Variants in HADHA observed in about 807,000 individuals in gnomAD.
The protein encoded by HADHA is hydroxyacyl-CoA dehydrogenase trifunctional multienzyme complex subunit alpha, also known as trifunctional enzyme subunit alpha, mitochondrial.
In HADHA, 59 loss-of-function variants were observed where a neutral mutation model predicts 91.3. The observed-to-expected ratio is 0.65, with a 90% confidence interval of 0.52 to 0.80. The LOEUF (loss-of-function observed/expected upper bound fraction) is 0.80, where lower values mean the gene tolerates loss of function less well. HADHA is among the 30% of genes least tolerant of loss of function. The probability of loss-of-function intolerance (pLI) is 0.00; values close to 1 mark genes in which losing one functional copy is unlikely to be tolerated. For missense variants in HADHA, 800 were observed against 927.6 expected (o/e 0.86, Z 1.79); for synonymous variants, 320 against 338.9 (o/e 0.94, Z 0.61).
chr2:26,234,634 C>T (rs947935774), intron 4 of HADHA, among the ~76,000 whole-genome samples: 1 of 151,740 alleles, frequency 6.6e-6, no homozygotes, highest in Admixed American at 6.6e-5. Context: ...GGCATAGTGG[C>T]GGGCGCCTGT....
In HADHA at chr2:26,209,766, A is replaced by G. The variant is rs767895844; in HGVS notation, c.1085+14T>C. 1.6e-6 allele frequency: 2 copies of G among 1,256,796 alleles called. No homozygotes were observed. Among genetic ancestry groups the G allele is most frequent in the South Asian group, 2.4e-5 (2 of 83,990 alleles). 77.9% of individuals were successfully genotyped at this position (1,256,796 alleles called of 1,614,324 possible). Reference sequence around the variant, plus strand: ...TAAAATTCACAAGGGCTTCCTACGTAGAGTTTAACTTACTTAACATCCTTC... The same window carrying G: ...TAAAATTCACAAGGGCTTCCTACGTGGAGTTTAACTTACTTAACATCCTTC... On this transcript the variant is annotated intron_variant, in intron 11 of 19. Transcript: ENST00000380649.
Position 26,214,544 on chromosome 2 carries a change from T to C in HADHA, c.817A>G (p.Met273Val), listed in dbSNP as rs756775736. Residue 273 changes from methionine to valine, a missense_variant, in exon 9 of 20, where the codon ATG becomes GTG. Met to Val is a conservative substitution (Grantham distance 21, BLOSUM62 1). Coordinates refer to ENST00000380649, the MANE Select transcript of HADHA (RefSeq NM_000182.5). This position sits in a 1 kb window ranked among gnomAD's most constrained non-coding sequence, Gnocchi z 4.1. ...GLVEKLTAYA[M>V]TIPFVRQQVY... ...TGTTGCCTGACAAATGGAATAGTCA[T>C]GGCATACGCTGTCAATTCTGTAAAA... 1.9e-6 allele frequency: 3 copies of C among 1,576,994 alleles called. No homozygotes were observed. Among genetic ancestry groups the C allele is most frequent in the African/African-American group, 2.7e-5 (2 of 74,222 alleles).
At position 26,191,513 on chromosome 2, in the gene HADHA, A is replaced by G; in HGVS notation, c.2116T>C (p.Phe706Leu). The G allele has an allele frequency of 6.2e-7, 1 of 1,614,216 alleles. No homozygotes were observed. Among genetic ancestry groups the G allele is most frequent in the Non-Finnish European group, 8.5e-7 (1 of 1,180,038 alleles). The change falls in exon 19 of 20, where the codon TTT becomes CTT. Residue 706 changes from phenylalanine (F) to leucine (L), a missense_variant. Physicochemically the swap from Phe to Leu is conservative, Grantham distance 22. Coordinates refer to ENST00000380649, the MANE Select transcript of HADHA (RefSeq NM_000182.5). ...AGACAAGGCGGGAAGCCAAGCCCAA[A>G]GACGGCTCCGATGTCTCCCTCTGCA... Reference protein sequence around the residue: ...TPAEGDIGAVFGLGFPPCLGG... With the variant: ...TPAEGDIGAVLGLGFPPCLGG...
At chr2:26,193,825 C>G (rs1025776132) in intron 16 of HADHA, 53 bp from the exon 17 acceptor site, 17 of 1,410,040 alleles carry the variant, frequency 1.2e-5, no homozygotes, top group Non-Finnish European at 1.6e-5. Context: ...CAAATCCCCC[C>G]AAAGGGCTCC....
At chr2:26,202,378 C>T (rs1669868269) in intron 12 of HADHA, among the ~76,000 whole-genome samples, 1 of 152,046 alleles carries the variant, frequency 6.6e-6, no homozygotes, top group Admixed American at 6.6e-5. Flanking sequence ...GAAGCTAAAC[C>T]CCATTCACTA....
At chr2:26,197,881 CCCA>C in intron 13 of HADHA, 104 bp from the exon 14 acceptor site, 1 of 750,290 alleles carries the variant, frequency 1.3e-6, no homozygotes, top group Non-Finnish European at 2.5e-6. Flanking sequence ...CACTCTGTCC[CCCA>C]CAACTGCTCA....
intron 13 of HADHA, among the ~76,000 whole-genome samples, chr2:26,198,175 G>A (rs900833210): frequency 6.6e-6 from 1 of 151,908 alleles, no homozygotes; most frequent in South Asian, 2.1e-4. Context: ...ATCACTCCCC[G>A]CTTCACCTTT....
chr2:26,237,479 T>C (rs779616675), intron 3 of HADHA, among the ~76,000 whole-genome samples: 2 of 151,962 alleles, frequency 1.3e-5, no homozygotes, highest in Admixed American at 6.6e-5. Context: ...ATACAAAAAT[T>C]AGCCGGGCCT....
intron 5 of HADHA, among the ~76,000 whole-genome samples, chr2:26,233,306 A>G (rs970769885): frequency 6.6e-5 from 10 of 152,186 alleles, no homozygotes; most frequent in Non-Finnish European, 1.3e-4. Context: ...GCATTTCTGT[A>G]TCTAAACACA....
chr2:26,199,718 AATT>A (rs1414211137), intron 13 of HADHA, among the ~76,000 whole-genome samples: 1 of 151,994 alleles, frequency 6.6e-6, no homozygotes. Context: ...TTATTTTTTA[AATT>A]ATTTATCTTT....
chr2:26,238,494 A>G (rs1265635617), intron 3 of HADHA, among the ~76,000 whole-genome samples: 1 of 152,244 alleles, frequency 6.6e-6, no homozygotes, highest in Non-Finnish European at 1.5e-5. Flanking sequence ...TGAGTCATTC[A>G]GATCCCTCAG....
At chr2:26,236,011 T>C (rs952345239) in intron 4 of HADHA, among the ~76,000 whole-genome samples, 1 of 152,234 alleles carries the variant, frequency 6.6e-6, no homozygotes, top group Middle Eastern at 3.2e-3. Flanking sequence ...CCAACTACGA[T>C]TGTGTCCATA....
At chr2:26,197,541 C>G in intron 14 of HADHA, 150 bp downstream of exon 14, 3 of 685,040 alleles carry the variant, frequency 4.4e-6, no homozygotes, top group Non-Finnish European at 8.1e-6. Flanking sequence ...TCACACTAGT[C>G]ATGGTATTAG....
chr2:26,203,006 G>C (rs1377000892), intron 12 of HADHA, among the ~76,000 whole-genome samples: 1 of 152,214 alleles, frequency 6.6e-6, no homozygotes, highest in Non-Finnish European at 1.5e-5. Context: ...AGAGACTGGG[G>C]GAGGAAACTA....
At chr2:26,240,323 G>T (rs1670860728) in intron 1 of HADHA, among the ~76,000 whole-genome samples, 1 of 152,202 alleles carries the variant, frequency 6.6e-6, no homozygotes, top group East Asian at 1.9e-4. Context: ...GAACAAAAAA[G>T]ACAAAAATCC....
intron 1 of HADHA, among the ~76,000 whole-genome samples, chr2:26,243,005 C>A (rs1574630117): frequency 1.3e-5 from 2 of 152,350 alleles, no homozygotes; most frequent in East Asian, 3.9e-4. Flanking sequence ...CCCGCCTGGG[C>A]CTCCCAAAGT....
rs768855989 is a variant in HADHA at position 26,191,301 on chromosome 2, G to T, written c.2241C>A (p.Cys747Ter). 2 of 1,613,306 alleles carry T rather than the reference G, an allele frequency of 1.2e-6. No individual in the cohort carries two copies. Among genetic ancestry groups the T allele is most frequent in the Admixed American group, 3.3e-5 (2 of 60,026 alleles). ...EAAYGKQFTP[C>*]QLLADHANSP... ...TGTTAGCATGGTCAGCTAGCAGCTG[G>T]CATGGGGTGAACTGTTTTCCATAGG... is the stretch of plus-strand genomic sequence containing the variant. Residue 747 changes from cysteine (C) to a stop codon, truncating the protein, a stop_gained, in exon 20 of 20, where the codon TGC becomes TGA. Transcript: ENST00000380649. LOFTEE classifies it high-confidence loss of function.
At position 26,234,328 on chromosome 2, in the gene HADHA, T is replaced by C. The variant is rs1670695589; in HGVS notation, c.342A>G (p.Gln114=). 1.2e-6 allele frequency: 2 copies of C among 1,613,544 alleles called. No individual in the cohort carries two copies. Among genetic ancestry groups the C allele is most frequent in the Non-Finnish European group, 1.7e-6 (2 of 1,179,438 alleles). Residue 114 remains glutamine (Q), a synonymous_variant, in exon 5 of 20, where the codon CAA becomes CAG. Transcript: ENST00000380649. The part of the protein sequence containing the change: ...INMLAACKTL[Q]EVTQLSQEAQ... ...CTTCTTGTGATAGCTGTGTTACTTC[T>C]TGAAGGGTCTTGCAAGCGGCTAACA...
At chr2:26,201,025 C>A (rs1376347651) in intron 13 of HADHA, 124 bp downstream of exon 13, 13 of 787,062 alleles carry the variant, frequency 1.7e-5, no homozygotes, top group South Asian at 1.6e-4. Flanking sequence ...AGCCACCATG[C>A]CCAGCCTTTG....
Sources: allele counts gnomAD v4.1 joint callset (sites outside exome capture counted in the v4.1 genomes callset), GRCh38; gene constraint gnomAD v4.1.1; non-coding constraint Gnocchi (gnomAD v3.1); transcripts MANE v1.5; gene names NCBI Gene and HGNC (gene_info 2026-07-23, HGNC 2026-07-21).